The following SDC3 variants were observed in gnomAD, a reference collection of about 807,000 sequenced individuals.
SDC3 encodes the protein syndecan-3.
Under a neutral mutation model 24.4 loss-of-function variants are expected in SDC3, and 13 were observed. The ratio of observed to expected loss-of-function variants is 0.53; its 90% confidence interval spans 0.35 to 0.85. The LOEUF is 0.85. Among genes scored for constraint, SDC3 ranks in the 40% least tolerant of loss-of-function variants. The pLI is 0.01. For synonymous variants in SDC3, 295 were observed against 260.9 expected (o/e 1.13, Z -1.26); for missense variants, 571 against 584.5 (o/e 0.98, Z 0.24).
At chr1:30,882,439 T>C (rs1294912577) in intron 1 of SDC3, among the ~76,000 whole-genome samples, 1 of 151,962 alleles carries the variant, frequency 6.6e-6, no homozygotes, top group Non-Finnish European at 1.5e-5. Context: ...ACAGGCCCCC[T>C]CACTCCACAT....
At chr1:30,892,928 G>C (rs978883217) in intron 1 of SDC3, among the ~76,000 whole-genome samples, 2 of 152,078 alleles carry the variant, frequency 1.3e-5, no homozygotes, top group Non-Finnish European at 2.9e-5. Context: ...AGCCTCCCCC[G>C]GCAGGATCAG....
In SDC3 at chr1:30,870,410, T is replaced by C. The variant is rs1639513547; in HGVS notation, c.*2801A>G. On this transcript the variant is annotated 3_prime_UTR_variant, in exon 5 of 5. Coordinates refer to ENST00000339394, the MANE Select transcript of SDC3 (RefSeq NM_014654.4). ...CCTCTCATTTGGAACTCCCTGTGCTTCCAGCAAATGCCAAAGCCCCTCAGA... is the reference window on the plus strand; with the variant it reads ...CCTCTCATTTGGAACTCCCTGTGCTCCCAGCAAATGCCAAAGCCCCTCAGA... 2 of 153,250 alleles carry C rather than the reference T, an allele frequency of 1.3e-5. 1 individual carries two copies. The highest frequency in any genetic ancestry group is 4.8e-5 in the African/African-American group (2 of 41,488). 9.5% of individuals were successfully genotyped at this position (153,250 alleles called of 1,614,324 possible).
intron 1 of SDC3, among the ~76,000 whole-genome samples, chr1:30,888,195 C>T (rs939353442): frequency 2.4e-4 from 37 of 152,134 alleles, no homozygotes; most frequent in Non-Finnish European, 1.3e-4. Flanking sequence ...AAAGCCCAGG[C>T]GACTTGCTAG....
chr1:30,894,492 T>TGGG (rs11390282), intron 1 of SDC3, among the ~76,000 whole-genome samples: 2 of 41,896 alleles, frequency 4.8e-5, no homozygotes, highest in African/African-American at 2.5e-4. Context: ...TGGATGAATG[T>TGGG]GGGGGGTGAG....
intron 1 of SDC3, among the ~76,000 whole-genome samples, chr1:30,901,914 C>T (rs536359284): frequency 1.3e-5 from 2 of 152,208 alleles, no homozygotes; most frequent in Admixed American, 6.5e-5. Context: ...CCCTGAGGTC[C>T]CATTTTAAAG....
In SDC3 at chr1:30,874,508, G is replaced by A. The variant is rs374946441; in HGVS notation, c.951C>T (p.Phe317=). 6.8e-6 allele frequency: 11 copies of A among 1,614,014 alleles called. No homozygotes were observed. In the East Asian group the frequency reaches 1.3e-4, roughly 20 times the overall value. Residue 317 remains phenylalanine (F), a synonymous_variant, in exon 4 of 5, where the codon TTC becomes TTT. Transcript: ENST00000339394. The stretch of plus-strand genomic sequence containing the variant: ...GTGTGGTCTCTTCTTCTGGCAGCTC[G>A]AAGTCTCCACTGGGCCCCCCACTCA... ...VPVSGGPSGD[F]ELPEEETTQP...
At chr1:30,886,499 CT>C (rs1305500201) in intron 1 of SDC3, among the ~76,000 whole-genome samples, 3 of 152,174 alleles carry the variant, frequency 2.0e-5, no homozygotes, top group African/African-American at 7.2e-5. Flanking sequence ...CTAACAGGCC[CT>C]TCCACTGGAT....
chr1:30,904,000 A>C (rs1326730503), intron 1 of SDC3, among the ~76,000 whole-genome samples: 1 of 152,082 alleles, frequency 6.6e-6, no homozygotes, highest in Non-Finnish European at 1.5e-5. Flanking sequence ...CGAGGTGGGA[A>C]GATCACTTGA....
chr1:30,873,325 T>C lies in SDC3; in HGVS notation c.1215A>G (p.Thr405=), dbSNP rs142285205. 182 of 1,613,376 alleles carry C rather than the reference T, an allele frequency of 1.1e-4. No individual in the cohort carries two copies. The East Asian group carries it at 2.9e-3, about 26-fold the overall frequency. The change falls in exon 5 of 5, where the codon ACA becomes ACG. Residue 405 remains threonine, a synonymous_variant. Transcript: ENST00000339394. ...VGALFAAFLV[T]LLIYRMKKKD... ...TTTTCTTCATACGATAGATGAGCAG[T>C]GTGACCAAGAAGGCAGCAAAGAGGG...
chr1:30,907,750 C>T (rs760369768), intron 1 of SDC3, among the ~76,000 whole-genome samples: 1 of 151,830 alleles, frequency 6.6e-6, no homozygotes, highest in African/African-American at 2.4e-5. Context: ...TGGCCACACA[C>T]GCCCACACAC....
At chr1:30,878,941 C>T in intron 1 of SDC3, 1 of 550,632 alleles carries the variant, frequency 1.8e-6, no homozygotes, top group Admixed American at 3.1e-5. Context: ...GGGGTCCCAT[C>T]CCAGAAGGCT....
In SDC3 at chr1:30,908,579, G is replaced by C; in HGVS notation, c.8C>G (p.Pro3Arg). 1 of 977,006 alleles carries C rather than the reference G, an allele frequency of 1.0e-6. No homozygotes were observed. The highest frequency in any genetic ancestry group is 1.2e-6 in the Non-Finnish European group (1 of 826,226). The allele number at this position is 977,006 out of a possible 1,614,324, so 60.5% of individuals were successfully genotyped here. MK[P>R]GPPHRAGAAH... ...GGCCCCGGCACGGTGCGGCGGCCCCGGCTTCATGGCGGCGGCGCGGGCGCG... is the reference window on the plus strand; with the variant it reads ...GGCCCCGGCACGGTGCGGCGGCCCCCGCTTCATGGCGGCGGCGCGGGCGCG... The change falls in exon 1 of 5, where the codon CCG becomes CGG. Residue 3 changes from proline to arginine, a missense_variant. Physicochemically the swap from Pro to Arg is moderately radical, Grantham distance 103. Transcript: ENST00000339394.
intron 3 of SDC3, among the ~76,000 whole-genome samples, chr1:30,876,122 T>A (rs557821694): frequency 6.6e-6 from 1 of 152,200 alleles, no homozygotes; most frequent in African/African-American, 2.4e-5. Flanking sequence ...AATGAAATGA[T>A]ACACATTCTA....
intron 1 of SDC3, among the ~76,000 whole-genome samples, chr1:30,907,946 C>T (rs2124349566): frequency 6.6e-6 from 1 of 152,348 alleles, no homozygotes; most frequent in Admixed American, 6.5e-5. Flanking sequence ...ATGGTCTGGG[C>T]ACACCCACGA....
Position 30,870,029 on chromosome 1 carries a change from G to T in SDC3, c.*3182C>A. 1 of 397,758 alleles carries T rather than the reference G, an allele frequency of 2.5e-6. No individual in the cohort carries two copies. Among genetic ancestry groups the T allele is most frequent in the Non-Finnish European group, 4.4e-6 (1 of 226,066 alleles). The allele number at this position is 397,758 out of a possible 1,614,324, so 24.6% of individuals were successfully genotyped here. The stretch of plus-strand genomic sequence containing the variant: ...GCGGGCTTCTATTTACAGGCAAGAG[G>T]CCTGGGGAGGCAAGTCCAGGGTTGT... On this transcript the variant is annotated 3_prime_UTR_variant, in exon 5 of 5. Transcript: ENST00000339394.
At position 30,871,275 on chromosome 1, in the gene SDC3, C is replaced by T. The variant is rs1181292495; in HGVS notation, c.*1936G>A. The T allele has an allele frequency of 6.6e-6, 1 of 152,272 alleles. No individual in the cohort carries two copies. The highest frequency in any genetic ancestry group is 1.5e-5 in the Non-Finnish European group (1 of 68,066). The allele number at this position is 152,272 out of a possible 1,614,324, so 9.4% of individuals were successfully genotyped here. On this transcript the variant is annotated 3_prime_UTR_variant, in exon 5 of 5. Coordinates refer to ENST00000339394, the MANE Select transcript of SDC3 (RefSeq NM_014654.4). The stretch of plus-strand genomic sequence containing the variant: ...AAAAGGGCCCTGAAATAAAACCTGC[C>T]TTCCTGACTTGAATCTGGGATGTGG...
At chr1:30,875,266 G>T (rs909726329) in intron 3 of SDC3, among the ~76,000 whole-genome samples, 1 of 152,240 alleles carries the variant, frequency 6.6e-6, no homozygotes, top group African/African-American at 2.4e-5. Context: ...TGATGTCCAG[G>T]CTGAAAAGAG....
chr1:30,884,158 G>C (rs1377372993), intron 1 of SDC3, among the ~76,000 whole-genome samples: 2 of 152,142 alleles, frequency 1.3e-5, no homozygotes, highest in African/African-American at 4.8e-5. Flanking sequence ...CTGGAGATGA[G>C]GGGCACGAGG....
chr1:30,891,830 G>A (rs1639909385), intron 1 of SDC3, among the ~76,000 whole-genome samples: 1 of 149,144 alleles, frequency 6.7e-6, no homozygotes, highest in South Asian at 2.2e-4. Flanking sequence ...TCCAGCCTGG[G>A]CGACACAGTG....
Sources: gnomAD v4.1 joint callset for allele counts (sites outside exome capture counted in the v4.1 genomes callset) on GRCh38, gnomAD v4.1.1 for gene constraint, MANE v1.5 for transcripts, NCBI Gene and HGNC (gene_info 2026-07-23, HGNC 2026-07-21) for gene names.